PTRH1: variants seen among roughly 807,000 people sequenced by gnomAD.
PTRH1 encodes the protein peptidyl-tRNA hydrolase.
A neutral mutation model predicts 15.7 loss-of-function variants in PTRH1; 13 were observed. The observed-to-expected ratio is 0.83, with a 90% confidence interval of 0.54 to 1.31. PTRH1 has a LOEUF of 1.31. PTRH1 is among the 40% of genes most tolerant of loss of function. The probability of loss-of-function intolerance (pLI) is 0.00; values close to 1 mark genes in which losing one functional copy is unlikely to be tolerated. For missense variants in PTRH1, 319 were observed against 296.2 expected, an observed-to-expected ratio of 1.08 and a Z score of -0.56; for synonymous variants, 139 against 136.7, an observed-to-expected ratio of 1.02 and a Z score of -0.12.
At chr9:127,709,838 G>C, downstream of PTRH1, 1 of 993,752 alleles carries the variant, frequency 1.0e-6, no homozygotes, top group African/African-American at 1.6e-5. This position sits in a 1 kb window ranked among gnomAD's most constrained non-coding sequence, Gnocchi z 4.7. Context: ...ATCCTACGAA[G>C]CTGGAAACAT....
intron 2 of PTRH1, 34 bp downstream of exon 2, chr9:127,714,941 G>GGGGGGGGCC: frequency 2.2e-6 from 1 of 446,382 alleles, no homozygotes; most frequent in Non-Finnish European, 4.1e-6. Context: ...CACCCCCTTG[G>GGGGGGGGCC]CCCGCCCGCC....
At chr9:127,711,938 A>G (rs1402235475), downstream of PTRH1, 1 of 1,606,318 alleles carries the variant, frequency 6.2e-7, no homozygotes, top group Non-Finnish European at 8.5e-7. Flanking sequence ...CAGGTGGATA[A>G]CCAGGCACTG....
chr9:127,707,662 G>C (rs999056760), intron 1 of PTRH1, among the ~76,000 whole-genome samples: 33 of 152,356 alleles, frequency 2.2e-4, no homozygotes, highest in Admixed American at 2.0e-3. Flanking sequence ...AGTGGGGAAG[G>C]TTGATTCCCC....
downstream of PTRH1, chr9:127,713,741 A>G: frequency 9.6e-7 from 1 of 1,045,770 alleles, no homozygotes; most frequent in Non-Finnish European, 1.5e-6. Flanking sequence ...TCCTGACGTC[A>G]AGCAATCCCC....
downstream of PTRH1, chr9:127,712,062 C>A (rs1304253835): frequency 5.3e-6 from 8 of 1,498,158 alleles, no homozygotes; most frequent in East Asian, 1.7e-4. Context: ...TCTAGAGGAG[C>A]CTGCCAGACA....
downstream of PTRH1, chr9:127,712,693 C>T (rs1350809710): frequency 1.2e-6 from 2 of 1,614,086 alleles, no homozygotes; most frequent in South Asian, 1.1e-5. Context: ...TGCTGCCACC[C>T]CACCCTCACC....
chr9:127,706,970 C>T, intron 1 of PTRH1: 1 of 1,588,672 alleles, frequency 6.3e-7, no homozygotes, highest in East Asian at 2.2e-5. Context: ...ATGTACGGGA[C>T]CAGCTTCCTT....
At chr9:127,710,583 G>A, downstream of PTRH1, 3 of 1,569,320 alleles carry the variant, frequency 1.9e-6, no homozygotes, top group Non-Finnish European at 8.6e-7. Context: ...ATTGGGCCTT[G>A]TGCGCTGTGG....
chr9:127,698,765 G>C (rs1386281687), intron 1 of PTRH1, among the ~76,000 whole-genome samples: 4 of 152,212 alleles, frequency 2.6e-5, no homozygotes, highest in Non-Finnish European at 5.9e-5. Context: ...CCTGGATCTA[G>C]GGTGTAATGG....
At chr9:127,697,150 TCAAATATTTCAATCA>T (rs1842567757) in intron 1 of PTRH1, among the ~76,000 whole-genome samples, 1 of 152,204 alleles carries the variant, frequency 6.6e-6, no homozygotes, top group Non-Finnish European at 1.5e-5. Flanking sequence ...GTTACTTCAA[TCAAATATTTCAATCA>T]ATTTCAACTG....
chr9:127,710,579 C>G (rs1421254929), downstream of PTRH1: 1 of 1,566,946 alleles, frequency 6.4e-7, no homozygotes, highest in African/African-American at 1.4e-5. Context: ...CATCATTGGG[C>G]CTTGTGCGCT....
At chr9:127,699,766 G>C (rs7039658) in intron 1 of PTRH1, among the ~76,000 whole-genome samples, 7,215 of 151,988 alleles carry the variant, frequency 0.047, 595 homozygotes, top group African/African-American at 0.17. Flanking sequence ...TACCAGAACA[G>C]TCTCTTCCTA....
intron 2 of PTRH1, 27 bp downstream of exon 2, chr9:127,714,948 C>T: frequency 4.9e-6 from 2 of 409,942 alleles, no homozygotes; most frequent in Non-Finnish European, 8.9e-6. Context: ...TTGGCCCGCC[C>T]GCCCACCCCT....
chr9:127,696,898 G>A (rs1201095986), intron 1 of PTRH1, among the ~76,000 whole-genome samples: 8 of 152,150 alleles, frequency 5.3e-5, no homozygotes, highest in South Asian at 2.1e-4. Context: ...TAAGCAGACA[G>A]TGGGATTCCA....
chr9:127,702,714 C>CT (rs951509896), intron 1 of PTRH1, among the ~76,000 whole-genome samples: 121 of 145,164 alleles, frequency 8.3e-4, no homozygotes, highest in Non-Finnish European at 7.3e-4. Flanking sequence ...CATTATTTTT[C>CT]TTTTTTTTTT....
downstream of PTRH1, chr9:127,713,496 CTTTTTTTTT>C (rs58502035): frequency 2.1e-4 from 19 of 90,930 alleles, no homozygotes; most frequent in South Asian, 9.6e-4. Flanking sequence ...CAGCATCTTT[CTTTTTTTTT>C]TTTTTTTTTT....
At chr9:127,710,246 G>A (rs1842731514), downstream of PTRH1, among the ~76,000 whole-genome samples, 1 of 147,656 alleles carries the variant, frequency 6.8e-6, no homozygotes, top group Non-Finnish European at 1.5e-5. Flanking sequence ...CTGTGCCACT[G>A]CACTCCAGCC....
At chr9:127,695,077 A>ATGATGATGATGATGATGG in exon 2 of PTRH1, 1 of 702,376 alleles carries the variant, frequency 1.4e-6, no homozygotes, top group Non-Finnish European at 2.6e-6. Flanking sequence ...GATGATGATG[A>ATGATGATGATGATGATGG]TGATGATGAT....
downstream of PTRH1, chr9:127,709,361 T>G (rs1842711612): frequency 6.4e-7 from 1 of 1,559,250 alleles, no homozygotes; most frequent in Non-Finnish European, 8.7e-7. This position sits in a 1 kb window ranked among gnomAD's most constrained non-coding sequence, Gnocchi z 4.7. Context: ...TGGGCCCAGC[T>G]GCACCAGAGG....
Sources: allele counts gnomAD v4.1 joint callset (sites outside exome capture counted in the v4.1 genomes callset), GRCh38; gene constraint gnomAD v4.1.1; non-coding constraint Gnocchi (gnomAD v3.1); transcripts MANE v1.5; gene names NCBI Gene and HGNC (gene_info 2026-07-23, HGNC 2026-07-21).